COL9A3: variants seen among roughly 807,000 people sequenced by gnomAD.
COL9A3 encodes the protein collagen type IX alpha 3 chain, also known as collagen alpha-3(IX) chain.
In COL9A3, 82 loss-of-function variants were observed where a neutral mutation model predicts 110.2. That is an observed-to-expected ratio of 0.74 (90% CI 0.62 to 0.89). The LOEUF (loss-of-function observed/expected upper bound fraction) is 0.89. Among genes scored for constraint, COL9A3 ranks in the 40% least tolerant of loss-of-function variants. The pLI is 0.00. For missense variants in COL9A3, 1,066 were observed against 981.3 expected, an observed-to-expected ratio of 1.09 and a Z score of -1.15; for synonymous variants, 494 against 403.8, an observed-to-expected ratio of 1.22 and a Z score of -2.68.
In COL9A3 at chr20:62,825,839, C is replaced by T. The variant is rs770560058; in HGVS notation, c.653C>T (p.Pro218Leu). The change falls in exon 13 of 32, where the codon CCC becomes CTC. Residue 218 changes from proline to leucine, a missense_variant. Physicochemically the swap from Pro to Leu is moderately conservative, Grantham distance 98. Transcript: ENST00000649368. The stretch of plus-strand genomic sequence containing the variant: ...CAGGGTGACCCTGGCCCCCCTGGGC[C>T]CGCCGGCCTCCCGGGCAGCGTGGGG... Reference protein sequence around the residue: ...GEKGDPGPPGPAGLPGSVGLQ... With the variant: ...GEKGDPGPPGLAGLPGSVGLQ... 1.3e-6 allele frequency: 2 copies of T among 1,556,882 alleles called. No homozygotes were observed. The highest frequency in any genetic ancestry group is 1.7e-6 in the Non-Finnish European group (2 of 1,150,164).
At position 62,840,972 on chromosome 20, in the gene COL9A3, G is replaced by T. The variant is rs575841000; in HGVS notation, c.*240G>T. 2 of 545,680 alleles carry T rather than the reference G, an allele frequency of 3.7e-6. No individual in the cohort carries two copies. The highest frequency in any genetic ancestry group is 3.8e-5 in the African/African-American group (2 of 52,570). 33.8% of individuals were successfully genotyped at this position (545,680 alleles called of 1,614,324 possible). On this transcript the variant is annotated 3_prime_UTR_variant, in exon 32 of 32. Coordinates refer to ENST00000649368, the MANE Select transcript of COL9A3 (RefSeq NM_001853.4). ...AGCCCAGCATTTGAGAGAAGGTAGG[G>T]TGTGTATATATAAAAGGTTGTGTAC...
rs2147192908 is a variant in COL9A3, at chr20:62,817,074, C to G, written c.10C>G (p.Pro4Ala). 7.2e-7 allele frequency: 1 copy of G among 1,384,264 alleles called. No homozygotes were observed. Among genetic ancestry groups the G allele is most frequent in the Non-Finnish European group, 9.4e-7 (1 of 1,062,780 alleles). 85.7% of individuals were successfully genotyped at this position (1,384,264 alleles called of 1,614,324 possible). Residue 4 changes from proline (P) to alanine (A), a missense_variant, in exon 1 of 32, where the codon CCG becomes GCG. Physicochemically the swap from Pro to Ala is conservative, Grantham distance 27. Coordinates refer to ENST00000649368, the MANE Select transcript of COL9A3 (RefSeq NM_001853.4). ...CAGACTCCGCTCAGCCATGGCCGGG[C>G]CGCGCGCGTGCGCCCCGCTCCTGCT... MAGPRACAPLLLLL... is the reference protein window; with the variant it reads MAGARACAPLLLLL...
intron 26 of COL9A3, among the ~76,000 whole-genome samples, chr20:62,834,382 T>G (rs1469302435): frequency 6.6e-6 from 1 of 152,234 alleles, no homozygotes; most frequent in Non-Finnish European, 1.5e-5. Context: ...AAAATTACGT[T>G]CTTGTTTGAG....
At chr20:62,832,711 T>C in intron 25 of COL9A3, 2 of 257,856 alleles carry the variant, frequency 7.8e-6, no homozygotes, top group Non-Finnish European at 1.3e-5. Context: ...TGCTCTCACT[T>C]CTAGGCACAA....
At chr20:62,832,109 G>T (rs751478589) in intron 24 of COL9A3, 45 bp from the exon 25 acceptor site, 7 of 1,592,490 alleles carry the variant, frequency 4.4e-6, no homozygotes, top group Non-Finnish European at 6.0e-6. Context: ...TCACTTTAGG[G>T]ATTCCTGCCA....
At chr20:62,818,644 T>C in intron 3 of COL9A3, 91 bp downstream of exon 3, 2 of 1,382,284 alleles carry the variant, frequency 1.4e-6, no homozygotes, top group Non-Finnish European at 2.1e-6. Flanking sequence ...TCCTGTCTCA[T>C]CCTGCCGGAG....
intron 15 of COL9A3, 32 bp downstream of exon 15, chr20:62,826,852 C>G (rs1231850224): frequency 6.2e-7 from 1 of 1,609,482 alleles, no homozygotes. Flanking sequence ...GGGCGCCATG[C>G]CTCGTGACCT....
intron 26 of COL9A3, among the ~76,000 whole-genome samples, chr20:62,835,284 A>AG (rs2063626439): frequency 1.3e-5 from 2 of 152,296 alleles, no homozygotes; most frequent in East Asian, 3.9e-4. Context: ...CCCAAGACCG[A>AG]GGGGTGCATC....
chr20:62,837,370 A>AC, intron 30 of COL9A3, 105 bp downstream of exon 30: 1 of 1,272,056 alleles, frequency 7.9e-7, no homozygotes, highest in Non-Finnish European at 1.1e-6. Context: ...CTCAGGGGTA[A>AC]CCCCTGGAAC....
intron 4 of COL9A3, 147 bp downstream of exon 4, chr20:62,819,440 TC>T (rs1299944098): frequency 3.9e-6 from 3 of 778,192 alleles, no homozygotes; most frequent in Admixed American, 4.2e-5. Context: ...CCAACAGGGG[TC>T]CTTTGGCCTT....
chr20:62,825,671 G>C, intron 12 of COL9A3, 146 bp from the exon 13 acceptor site: 1 of 805,494 alleles, frequency 1.2e-6, no homozygotes, highest in Admixed American at 2.1e-5. Context: ...CTGTGGGCAA[G>C]TGTCCCCTTC....
intron 3 of COL9A3, 147 bp from the exon 4 acceptor site, chr20:62,819,075 C>A: frequency 1.2e-6 from 1 of 834,466 alleles, no homozygotes; most frequent in Non-Finnish European, 2.0e-6. Flanking sequence ...TGAGCCGGGT[C>A]TGCCAGACAG....
chr20:62,826,272 C>T lies in COL9A3; in HGVS notation c.738+15C>T. Reference sequence around the variant, plus strand: ...CTGGGGACCGGGTAAGTCCTGCAGCCCCTAGTGGGGGCCGGCCAGGTGGCT... The same window carrying T: ...CTGGGGACCGGGTAAGTCCTGCAGCTCCTAGTGGGGGCCGGCCAGGTGGCT... On this transcript the variant is annotated intron_variant, in intron 14 of 31. Transcript: ENST00000649368. 6.5e-7 allele frequency: 1 copy of T among 1,547,656 alleles called. No individual in the cohort carries two copies. Among genetic ancestry groups the T allele is most frequent in the Non-Finnish European group, 8.7e-7 (1 of 1,146,918 alleles).
intron 16 of COL9A3, among the ~76,000 whole-genome samples, 188 bp downstream of exon 16, chr20:62,827,482 C>T (rs777559071): frequency 2.0e-5 from 3 of 152,184 alleles, no homozygotes; most frequent in Non-Finnish European, 4.4e-5. Context: ...CCCAGCCGTT[C>T]TCCCAGAGCC....
intron 25 of COL9A3, 183 bp from the exon 26 acceptor site, chr20:62,832,837 C>A: frequency 2.1e-6 from 1 of 465,754 alleles, no homozygotes; most frequent in East Asian, 9.0e-5. Flanking sequence ...CCCGCCCCTG[C>A]CTGCAGGTCT....
upstream of COL9A3, among the ~76,000 whole-genome samples, chr20:62,816,590 C>G (rs1718173342): frequency 6.6e-6 from 1 of 152,118 alleles, no homozygotes; most frequent in South Asian, 2.1e-4. Context: ...GCCCTGGTAC[C>G]GGGGATTCAC....
rs939017341 is a variant in COL9A3, at chr20:62,817,692, AC to A, written c.147+59del. The A allele has an allele frequency of 7.4e-6, 9 of 1,210,336 alleles. No homozygotes were observed. In the African/African-American group the frequency reaches 1.4e-4, roughly 19 times the overall value. 75.0% of individuals were successfully genotyped at this position (1,210,336 alleles called of 1,614,324 possible). ...CTCTGGGGTTCTGGCTCTGGCCCCC[AC>A]CTCCCTGAGCTCCCCGGCCTGATGG... is the stretch of plus-strand genomic sequence containing the variant. On this transcript the variant is annotated intron_variant, in intron 2 of 31. Coordinates refer to ENST00000649368, the MANE Select transcript of COL9A3 (RefSeq NM_001853.4).
intron 10 of COL9A3, 144 bp downstream of exon 10, chr20:62,822,776 C>A: frequency 1.2e-6 from 1 of 844,978 alleles, no homozygotes; most frequent in South Asian, 1.4e-5. Context: ...GAGCAGACAG[C>A]TCGGGCACAA....
At chr20:62,832,312 C>T (rs1308891306) in intron 25 of COL9A3, 123 bp downstream of exon 25, 9 of 976,058 alleles carry the variant, frequency 9.2e-6, no homozygotes, top group African/African-American at 1.7e-5. Flanking sequence ...CCTTTCTCCT[C>T]TTGCCGTGTC....
Sources: gnomAD v4.1 joint callset for allele counts (sites outside exome capture counted in the v4.1 genomes callset) on GRCh38, gnomAD v4.1.1 for gene constraint, MANE v1.5 for transcripts, NCBI Gene and HGNC (gene_info 2026-07-23, HGNC 2026-07-21) for gene names.